GUCY1A1: variants seen among roughly 807,000 people sequenced by gnomAD.
GUCY1A1 encodes the protein guanylate cyclase 1 soluble subunit alpha 1, also known as guanylate cyclase soluble subunit alpha-1.
Under a neutral mutation model 64.5 loss-of-function variants are expected in GUCY1A1, and 48 were observed. The observed-to-expected ratio is 0.74, with a 90% confidence interval of 0.59 to 0.95. The LOEUF (loss-of-function observed/expected upper bound fraction) is 0.95. Among genes scored for constraint, GUCY1A1 ranks in the 40% least tolerant of loss-of-function variants. The pLI is 0.00. For missense variants in GUCY1A1, 804 were observed against 825.3 expected (o/e 0.97, Z 0.32); for synonymous variants, 308 against 303.4 (o/e 1.02, Z -0.16).
chr4:155,677,893 C>T lies in GUCY1A1; in HGVS notation c.-113+10474C>T, dbSNP rs1735179975. On this transcript the variant is annotated intron_variant, in intron 2 of 9. Transcript: ENST00000506455. The stretch of plus-strand genomic sequence containing the variant: ...GTATATATATGAAAAAATCAATAGA[C>T]TTGGTCTTAGAATAAATATTAAAAT... Among the ~76,000 whole-genome samples, 3 of 151,724 alleles carry T rather than the reference C, an allele frequency of 2.0e-5. No individual in the cohort carries two copies. In the South Asian group the frequency reaches 6.2e-4, roughly 32 times the overall value.
intron 3 of GUCY1A1, among the ~76,000 whole-genome samples, chr4:155,701,792 A>C (rs1731113144): frequency 6.9e-6 from 1 of 144,424 alleles, no homozygotes; most frequent in Admixed American, 7.1e-5. Context: ...ACAGAGCAAA[A>C]CTCTATATCC....
chr4:155,716,723 A>C (rs1733280200), intron 7 of GUCY1A1, among the ~76,000 whole-genome samples: 1 of 152,168 alleles, frequency 6.6e-6, no homozygotes, highest in Non-Finnish European at 1.5e-5. Flanking sequence ...TTGATGTGAC[A>C]TTTATTGAGT....
chr4:155,687,747 C>T (rs965042157), intron 2 of GUCY1A1, among the ~76,000 whole-genome samples: 9 of 152,132 alleles, frequency 5.9e-5, no homozygotes, highest in African/African-American at 2.2e-4. Flanking sequence ...ATGGTAGACG[C>T]AGGGAGCAAA....
At chr4:155,711,608 G>C (rs1168454725) in intron 6 of GUCY1A1, among the ~76,000 whole-genome samples, 1 of 152,140 alleles carries the variant, frequency 6.6e-6, no homozygotes, top group African/African-American at 2.4e-5. Context: ...AAAGTCACTT[G>C]TTTCTTGTAG....
At chr4:155,719,860 G>C (rs1738748179) in intron 8 of GUCY1A1, among the ~76,000 whole-genome samples, 1 of 152,168 alleles carries the variant, frequency 6.6e-6, no homozygotes, top group South Asian at 2.1e-4. Flanking sequence ...TCAAATAGAA[G>C]ATGCCCTTAG....
chr4:155,689,120 A>G (rs1313953419), intron 2 of GUCY1A1, among the ~76,000 whole-genome samples: 2 of 151,378 alleles, frequency 1.3e-5, no homozygotes, highest in African/African-American at 2.4e-5. Context: ...GCCTGAGCCA[A>G]TTGACATTCC....
At chr4:155,706,440 C>A (rs1015568745) in intron 4 of GUCY1A1, among the ~76,000 whole-genome samples, 2 of 152,050 alleles carry the variant, frequency 1.3e-5, no homozygotes, top group Non-Finnish European at 2.9e-5. Context: ...TGCTTATTCT[C>A]TTCTACGAAT....
At chr4:155,697,192 A>C in intron 3 of GUCY1A1, 70 bp downstream of exon 3, 6 of 1,115,020 alleles carry the variant, frequency 5.4e-6, no homozygotes, top group Non-Finnish European at 7.9e-6. Flanking sequence ...TTTCCAAGGA[A>C]AATTTAAACA....
At chr4:155,709,349 T>C (rs979019731) in intron 5 of GUCY1A1, among the ~76,000 whole-genome samples, 2 of 152,228 alleles carry the variant, frequency 1.3e-5, no homozygotes, top group African/African-American at 4.8e-5. Flanking sequence ...TTGTTAATTC[T>C]TTCTCCTATC....
intron 2 of GUCY1A1, among the ~76,000 whole-genome samples, chr4:155,684,011 T>C (rs1736191954): frequency 6.6e-6 from 1 of 152,200 alleles, no homozygotes; most frequent in Non-Finnish European, 1.5e-5. Context: ...GTCTGCACTC[T>C]GTCATCTGCA....
intron 2 of GUCY1A1, among the ~76,000 whole-genome samples, chr4:155,684,564 T>C (rs1728722083): frequency 6.6e-6 from 1 of 152,216 alleles, no homozygotes; most frequent in South Asian, 2.1e-4. Context: ...CCTGGTCCCC[T>C]GGGCCACCTC....
intron 2 of GUCY1A1, among the ~76,000 whole-genome samples, chr4:155,672,225 T>G (rs1734247295): frequency 6.6e-6 from 1 of 152,138 alleles, no homozygotes. Context: ...TCTGAGTCCT[T>G]GATACAGAAT....
In GUCY1A1 at chr4:155,697,050, A is replaced by G; in HGVS notation, c.183A>G (p.Gln61=). 3 of 1,613,546 alleles carry G rather than the reference A, an allele frequency of 1.9e-6. No individual in the cohort carries two copies. The highest frequency in any genetic ancestry group is 2.5e-6 in the Non-Finnish European group (3 of 1,179,486). ...AGAACATACAAGAAAGTCTTCCTCAAAGAAAAACCAGTCGGAGCCGAGTCT... is the reference window on the plus strand; with the variant it reads ...AGAACATACAAGAAAGTCTTCCTCAGAGAAAAACCAGTCGGAGCCGAGTCT... ...PEKNIQESLP[Q]RKTSRSRVYL... is the part of the protein sequence containing the mutation. The change falls in exon 3 of 10, where the codon CAA becomes CAG. Residue 61 remains glutamine (Q), a synonymous_variant. Transcript: ENST00000506455.
intron 2 of GUCY1A1, chr4:155,668,038 CGA>C (rs1270329506): frequency 6.6e-6 from 1 of 152,264 alleles, no homozygotes; most frequent in Non-Finnish European, 1.5e-5. Context: ...CGCGTGTGTG[CGA>C]GAGAGACAAA....
At chr4:155,723,185 G>T (rs1310624602) in intron 9 of GUCY1A1, among the ~76,000 whole-genome samples, 1 of 152,076 alleles carries the variant, frequency 6.6e-6, no homozygotes, top group Non-Finnish European at 1.5e-5. Flanking sequence ...CTCCCTCCCT[G>T]CAATCAAGGA....
intron 2 of GUCY1A1, among the ~76,000 whole-genome samples, chr4:155,683,980 G>T (rs1736186975): frequency 6.6e-6 from 1 of 152,096 alleles, no homozygotes; most frequent in African/African-American, 2.4e-5. Context: ...TGAGCTTTGG[G>T]GTTTGAGCCA....
rs183823516 is a variant in GUCY1A1, at chr4:155,688,120, C to A, written c.-112-8636C>A. ...GCGGGCGCCTGTAGTCCCAGCTGCT[C>A]GGGAGGCTGAGGCAGGAGAATGGCG... On this transcript the variant is annotated intron_variant, in intron 2 of 9. Transcript: ENST00000506455. Among the ~76,000 whole-genome samples the A allele has an allele frequency of 7.4e-3, 1,117 of 151,664 alleles. 9 individuals carry two copies. The highest frequency in any genetic ancestry group is 0.026 in the African/African-American group (1,055 of 41,354).
chr4:155,692,235 A>C (rs772015172), intron 2 of GUCY1A1, among the ~76,000 whole-genome samples: 6 of 152,178 alleles, frequency 3.9e-5, no homozygotes, highest in Non-Finnish European at 8.8e-5. Context: ...TACTATTGTG[A>C]ATAGTGTTCC....
At chr4:155,676,775 G>A (rs1270722754) in intron 2 of GUCY1A1, among the ~76,000 whole-genome samples, 1 of 151,518 alleles carries the variant, frequency 6.6e-6, no homozygotes, top group Non-Finnish European at 1.5e-5. Flanking sequence ...TGTCTTAGCT[G>A]CAATTAATTC....
Sources: gnomAD v4.1 joint callset for allele counts (sites outside exome capture counted in the v4.1 genomes callset) on GRCh38, gnomAD v4.1.1 for gene constraint, MANE v1.5 for transcripts, NCBI Gene and HGNC (gene_info 2026-07-23, HGNC 2026-07-21) for gene names.